The following CTDSPL variants were observed in gnomAD, a reference collection of about 807,000 sequenced individuals.
CTDSPL encodes CTD small phosphatase-like protein.
CTDSPL carries 8 observed loss-of-function variants against 30.5 expected under a neutral mutation model. The ratio of observed to expected loss-of-function variants is 0.26; its 90% CI spans 0.15 to 0.47. CTDSPL has a LOEUF of 0.47. Among genes scored for constraint, CTDSPL ranks in the 20% least tolerant of loss-of-function variants. The pLI is 0.99. For missense variants in CTDSPL, 248 were observed against 366.1 expected (o/e 0.68, Z 2.63); for synonymous variants, 110 against 137.9 (o/e 0.80, Z 1.42).
chr3:37,942,792 T>C (rs1318599549), intron 1 of CTDSPL, among the ~76,000 whole-genome samples: 1 of 150,552 alleles, frequency 6.6e-6, no homozygotes, highest in East Asian at 1.9e-4. Flanking sequence ...TCACACAACT[T>C]GCCCAGGTCC....
rs188705640 is a variant in CTDSPL, at chr3:37,913,546, A to C, written c.80-33511A>C. 2.6e-4 allele frequency among the ~76,000 whole-genome samples: 39 copies of C among 152,266 alleles called. No individual in the cohort carries two copies. In the East Asian group the frequency reaches 7.3e-3, roughly 29 times the overall value. On this transcript the variant is annotated intron_variant, in intron 1 of 7. Coordinates refer to ENST00000273179, the MANE Select transcript of CTDSPL (RefSeq NM_001008392.2). Reference sequence around the variant, plus strand: ...GGGGAATGTTGTTTGATTTCCTTAGAAGATTGTCTTGCTTTTGAGTAGAAA... The same window carrying C: ...GGGGAATGTTGTTTGATTTCCTTAGCAGATTGTCTTGCTTTTGAGTAGAAA...
intron 1 of CTDSPL, among the ~76,000 whole-genome samples, chr3:37,868,359 A>G (rs1336454007): frequency 2.6e-5 from 4 of 151,998 alleles, no homozygotes; most frequent in Non-Finnish European, 5.9e-5. Flanking sequence ...TCTAGCCTAT[A>G]GCTTGGCTTT....
At chr3:37,954,383 GACC>G in intron 2 of CTDSPL, 1 of 152,204 alleles carries the variant, frequency 6.6e-6, no homozygotes, top group East Asian at 1.9e-4. Flanking sequence ...CAATCTGGGA[GACC>G]AGACGCCAAA....
At chr3:37,945,938 C>T (rs115302022) in intron 1 of CTDSPL, among the ~76,000 whole-genome samples, 1,977 of 152,356 alleles carry the variant, frequency 0.013, 21 homozygotes, top group Middle Eastern at 0.054. Flanking sequence ...CTAGGTGTTA[C>T]ACAAATCACT....
At chr3:37,888,097 C>T (rs1232209114) in intron 1 of CTDSPL, among the ~76,000 whole-genome samples, 1 of 152,142 alleles carries the variant, frequency 6.6e-6, no homozygotes, top group Non-Finnish European at 1.5e-5. Flanking sequence ...GCAGCAGTTA[C>T]AGTCTTCATA....
intron 1 of CTDSPL, among the ~76,000 whole-genome samples, chr3:37,906,142 C>G (rs1468889271): frequency 2.0e-5 from 3 of 152,176 alleles, no homozygotes; most frequent in Non-Finnish European, 4.4e-5. Context: ...AGTGGGGACT[C>G]TATGAATGGG....
chr3:37,919,801 T>C (rs1698692656), intron 1 of CTDSPL, among the ~76,000 whole-genome samples: 1 of 152,136 alleles, frequency 6.6e-6, no homozygotes, highest in Non-Finnish European at 1.5e-5. Flanking sequence ...TGTGCTTCGC[T>C]GGGCCCTGGG....
intron 1 of CTDSPL, among the ~76,000 whole-genome samples, chr3:37,887,580 A>G (rs895955088): frequency 2.6e-5 from 4 of 152,226 alleles, no homozygotes. Flanking sequence ...ACAAAATAAA[A>G]ATAATTCCTA....
intron 3 of CTDSPL, among the ~76,000 whole-genome samples, chr3:37,960,570 ACACACAC>A (rs1699233806): frequency 7.4e-6 from 1 of 134,498 alleles, no homozygotes; most frequent in Non-Finnish European, 1.6e-5. Context: ...ACACACACAC[ACACACAC>A]AATTAGCTGG....
intron 7 of CTDSPL, among the ~76,000 whole-genome samples, chr3:37,979,949 C>T (rs1002410263): frequency 6.6e-6 from 1 of 152,190 alleles, no homozygotes; most frequent in Non-Finnish European, 1.5e-5. Flanking sequence ...CTGCCCTCTC[C>T]TCCACTCTCT....
chr3:37,903,546 A>G (rs943094596), intron 1 of CTDSPL, among the ~76,000 whole-genome samples: 1 of 152,204 alleles, frequency 6.6e-6, no homozygotes, highest in African/African-American at 2.4e-5. Flanking sequence ...CTGTCTCCTC[A>G]GTAGTGGCTT....
At chr3:37,886,015 C>T (rs2125594263) in intron 1 of CTDSPL, among the ~76,000 whole-genome samples, 1 of 152,236 alleles carries the variant, frequency 6.6e-6, no homozygotes, top group Admixed American at 6.5e-5. Context: ...CCTCCATTTC[C>T]CACTGCCACA....
chr3:37,919,834 T>G (rs1367705841), intron 1 of CTDSPL, among the ~76,000 whole-genome samples: 2 of 151,964 alleles, frequency 1.3e-5, no homozygotes, highest in Non-Finnish European at 2.9e-5. Flanking sequence ...GAAAGTTGAG[T>G]TTGCCTGAGT....
chr3:37,950,172 T>C (rs1699091171), intron 2 of CTDSPL, among the ~76,000 whole-genome samples: 1 of 152,202 alleles, frequency 6.6e-6, no homozygotes, highest in South Asian at 2.1e-4. Context: ...GTTTGTTAAC[T>C]TGGGCTCTGC....
At chr3:37,940,220 C>T (rs1698962783) in intron 1 of CTDSPL, among the ~76,000 whole-genome samples, 1 of 150,592 alleles carries the variant, frequency 6.6e-6, no homozygotes, top group Non-Finnish European at 1.5e-5. Context: ...ACCAGAAGTA[C>T]ATATTCAAAT....
At chr3:37,929,639 G>T (rs1458053388) in intron 1 of CTDSPL, among the ~76,000 whole-genome samples, 1 of 152,110 alleles carries the variant, frequency 6.6e-6, no homozygotes, top group Non-Finnish European at 1.5e-5. Context: ...TTTTTGTCTT[G>T]CAACTTGGCT....
chr3:37,959,882 G>A (rs1699216099), intron 3 of CTDSPL, among the ~76,000 whole-genome samples: 2 of 152,182 alleles, frequency 1.3e-5, no homozygotes, highest in African/African-American at 4.8e-5. Context: ...ATAATCAAAT[G>A]TTTCAATCTT....
intron 4 of CTDSPL, 31 bp downstream of exon 4, chr3:37,964,703 C>G: frequency 6.7e-7 from 1 of 1,493,768 alleles, no homozygotes; most frequent in Middle Eastern, 1.7e-4. Flanking sequence ...AATCCATGAT[C>G]TTTGTGATTT....
chr3:37,956,640 T>TC (rs746706430), intron 2 of CTDSPL, among the ~76,000 whole-genome samples: 35 of 152,130 alleles, frequency 2.3e-4, no homozygotes, highest in Non-Finnish European at 4.3e-4. Flanking sequence ...TCCCCAGTCT[T>TC]CCCCTGGGGA....
Sources: allele counts gnomAD v4.1 joint callset (sites outside exome capture counted in the v4.1 genomes callset), GRCh38; gene constraint gnomAD v4.1.1; transcripts MANE v1.5; gene names NCBI Gene and HGNC (gene_info 2026-07-23, HGNC 2026-07-21).